Variants in DLG2 observed in about 807,000 individuals in gnomAD.
The protein encoded by DLG2 is disks large homolog 2.
In DLG2, 45 loss-of-function variants were observed where a neutral mutation model predicts 132.5. The observed-to-expected ratio is 0.34, with a 90% CI of 0.27 to 0.44. DLG2 has a LOEUF of 0.44. Ranked by LOEUF, DLG2 falls within the 20% of genes least tolerant of loss-of-function variation. The pLI, the probability that DLG2 is intolerant of heterozygous loss-of-function variation, is 1.00. For missense variants in DLG2, 1,045 were observed against 1,196.9 expected, an observed-to-expected ratio of 0.87 and a Z score of 1.87; for synonymous variants, 424 against 419.6, an observed-to-expected ratio of 1.01 and a Z score of -0.13.
chr11:84,259,344 C>G (rs1281319352), intron 7 of DLG2, among the ~76,000 whole-genome samples: 1 of 149,674 alleles, frequency 6.7e-6, no homozygotes, highest in African/African-American at 2.5e-5. Flanking sequence ...CCTAGATTTT[C>G]TTCTCCTTTT....
intron 3 of DLG2, among the ~76,000 whole-genome samples, chr11:85,300,810 G>C (rs150269128): frequency 2.4e-3 from 369 of 152,220 alleles, no homozygotes; most frequent in Non-Finnish European, 4.0e-3. Context: ...AGGATTAGTA[G>C]GCATTTTCAG....
At chr11:83,914,440 C>T (rs1014296899) in intron 15 of DLG2, among the ~76,000 whole-genome samples, 12 of 152,134 alleles carry the variant, frequency 7.9e-5, no homozygotes, top group Admixed American at 2.6e-4. Flanking sequence ...TGGACCAAGA[C>T]ACAGAGATCA....
intron 11 of DLG2, among the ~76,000 whole-genome samples, chr11:84,009,155 T>G (rs989746136): frequency 6.6e-6 from 1 of 152,026 alleles, no homozygotes. Flanking sequence ...TTTTACTTCA[T>G]GTATAGGACT....
At chr11:84,528,201 T>C (rs897724933) in intron 7 of DLG2, among the ~76,000 whole-genome samples, 11 of 152,290 alleles carry the variant, frequency 7.2e-5, no homozygotes, top group African/African-American at 2.4e-4. Flanking sequence ...TGGTTTATTA[T>C]AGGCCAATTT....
chr11:85,005,066 G>C (rs2058531509), intron 6 of DLG2, among the ~76,000 whole-genome samples: 2 of 152,126 alleles, frequency 1.3e-5, no homozygotes, highest in Admixed American at 1.3e-4. Flanking sequence ...TGAGGCCTCT[G>C]TTCTGTTCCA....
chr11:83,604,870 G>A (rs2059094239), intron 19 of DLG2, among the ~76,000 whole-genome samples: 1 of 152,148 alleles, frequency 6.6e-6, no homozygotes, highest in South Asian at 2.1e-4. Flanking sequence ...TTCAAAGGGT[G>A]TTAAATGAAA....
chr11:84,731,237 C>G (rs920824515), intron 6 of DLG2, among the ~76,000 whole-genome samples: 3 of 152,036 alleles, frequency 2.0e-5, no homozygotes, highest in African/African-American at 4.8e-5. Context: ...AGCACATTAA[C>G]TTTATCTCCC....
At chr11:84,189,850 C>G (rs1165120721) in intron 8 of DLG2, among the ~76,000 whole-genome samples, 1 of 152,012 alleles carries the variant, frequency 6.6e-6, no homozygotes, top group East Asian at 1.9e-4. Flanking sequence ...AGGAGGGCAT[C>G]AGGAAGGATA....
chr11:85,418,934 T>G lies in DLG2; in HGVS notation c.41-133569A>C, dbSNP rs2090079341. Among the ~76,000 whole-genome samples the G allele has an allele frequency of 2.6e-5, 4 of 152,324 alleles. No individual in the cohort carries two copies. In the South Asian group the frequency reaches 6.2e-4, roughly 24 times the overall value. On this transcript the variant is annotated intron_variant, in intron 3 of 27. Coordinates refer to ENST00000376104, the MANE Select transcript of DLG2 (RefSeq NM_001142699.3). ...TTGGGGCATTTAGCCCATTTACATT[T>G]AAGGTTAAGATTATTATGTGTGAAT...
chr11:85,127,002 CA>C (rs2152391784), intron 5 of DLG2, among the ~76,000 whole-genome samples: 1 of 152,148 alleles, frequency 6.6e-6, no homozygotes, highest in East Asian at 1.9e-4. Flanking sequence ...GAGCTCAAAT[CA>C]GGGGGATGAA....
intron 6 of DLG2, among the ~76,000 whole-genome samples, chr11:85,056,362 A>G (rs759738319): frequency 2.6e-5 from 4 of 152,100 alleles, no homozygotes; most frequent in Non-Finnish European, 4.4e-5. Flanking sequence ...AAAAAATTCA[A>G]TAAGTGAAAT....
intron 6 of DLG2, among the ~76,000 whole-genome samples, chr11:85,072,088 T>C (rs2065936210): frequency 6.6e-6 from 1 of 151,890 alleles, no homozygotes; most frequent in Non-Finnish European, 1.5e-5. Context: ...CAAAATGATG[T>C]GTATTCCCTC....
chr11:83,689,730 A>G (rs1424184607), intron 18 of DLG2, among the ~76,000 whole-genome samples: 1 of 151,904 alleles, frequency 6.6e-6, no homozygotes, highest in Non-Finnish European at 1.5e-5. Flanking sequence ...GTCATTGTGA[A>G]TAAGAACATT....
At chr11:85,439,836 G>C (rs1015938475) in intron 3 of DLG2, among the ~76,000 whole-genome samples, 1 of 152,168 alleles carries the variant, frequency 6.6e-6, no homozygotes, top group African/African-American at 2.4e-5. Context: ...TTTGCAGTAA[G>C]GAGGAAAATG....
intron 7 of DLG2, among the ~76,000 whole-genome samples, chr11:84,400,128 G>C (rs1187127483): frequency 6.6e-6 from 1 of 152,170 alleles, no homozygotes; most frequent in East Asian, 1.9e-4. Flanking sequence ...GGGAAGGCAG[G>C]AAATTTAAAT....
chr11:84,614,218 G>A (rs914046779), intron 6 of DLG2, among the ~76,000 whole-genome samples: 2 of 152,178 alleles, frequency 1.3e-5, no homozygotes, highest in South Asian at 4.1e-4. Context: ...AAACCAATAA[G>A]TGCTGTGTTG....
At chr11:83,885,492 G>A (rs1206501809) in intron 15 of DLG2, among the ~76,000 whole-genome samples, 6 of 152,194 alleles carry the variant, frequency 3.9e-5, no homozygotes, top group Non-Finnish European at 8.8e-5. Context: ...TGAAAGTGAC[G>A]AGGAGAATGG....
At chr11:83,630,767 G>A (rs187193546) in intron 19 of DLG2, among the ~76,000 whole-genome samples, 274 of 152,214 alleles carry the variant, frequency 1.8e-3, no homozygotes, top group African/African-American at 6.3e-3. Context: ...GGGATCACAG[G>A]CAAGTCTCTG....
intron 2 of DLG2, among the ~76,000 whole-genome samples, chr11:85,618,895 C>T (rs1014378890): frequency 1.2e-4 from 18 of 152,272 alleles, no homozygotes; most frequent in African/African-American, 4.3e-4. Flanking sequence ...AACACTTGAG[C>T]AGATTTCCAA....
Sources: gnomAD v4.1 joint callset for allele counts (sites outside exome capture counted in the v4.1 genomes callset) on GRCh38, gnomAD v4.1.1 for gene constraint, MANE v1.5 for transcripts, NCBI Gene and HGNC (gene_info 2026-07-23, HGNC 2026-07-21) for gene names.